ARHGEF26: variants seen among roughly 807,000 people sequenced by gnomAD.
ARHGEF26 encodes Rho guanine nucleotide exchange factor 26.
Under a neutral mutation model 89.4 loss-of-function variants are expected in ARHGEF26, and 59 were observed. The ratio of observed to expected loss-of-function variants is 0.66; its 90% confidence interval spans 0.54 to 0.82. The LOEUF (loss-of-function observed/expected upper bound fraction) is 0.82. Among genes scored for constraint, ARHGEF26 ranks in the 40% least tolerant of loss-of-function variants. The pLI is 0.00. For missense variants in ARHGEF26, 1,234 were observed against 1,085.6 expected, an observed-to-expected ratio of 1.14 and a Z score of -1.92; for synonymous variants, 500 against 428.4, an observed-to-expected ratio of 1.17 and a Z score of -2.06.
At chr3:154,177,469 T>C (rs939701239) in intron 6 of ARHGEF26, among the ~76,000 whole-genome samples, 5 of 152,220 alleles carry the variant, frequency 3.3e-5, no homozygotes, top group African/African-American at 9.6e-5. Flanking sequence ...CAGGACTGGC[T>C]TTAGTGTGGA....
intron 6 of ARHGEF26, among the ~76,000 whole-genome samples, chr3:154,155,616 T>C (rs1294427422): frequency 6.6e-6 from 1 of 152,036 alleles, no homozygotes; most frequent in Non-Finnish European, 1.5e-5. Flanking sequence ...TTCATTTATT[T>C]AGTTATTATT....
intron 6 of ARHGEF26, among the ~76,000 whole-genome samples, chr3:154,178,766 G>A (rs932765430): frequency 7.9e-5 from 12 of 152,076 alleles, no homozygotes; most frequent in Non-Finnish European, 1.5e-4. Context: ...AGGGTCATAT[G>A]GAAACTATGT....
Position 154,125,232 on chromosome 3 carries a change from G to T in ARHGEF26, c.1123+783G>T, listed in dbSNP as rs539024238. Among the ~76,000 whole-genome samples the T allele has an allele frequency of 2.6e-5, 4 of 152,222 alleles. No individual in the cohort carries two copies. The East Asian group carries it at 7.7e-4, about 29-fold the overall frequency. Reference sequence around the variant, plus strand: ...GTGCCCCTCCATAGGTCAAGCAAATGTACAATCACCCAGAGTTATAAAATA... The same window carrying T: ...GTGCCCCTCCATAGGTCAAGCAAATTTACAATCACCCAGAGTTATAAAATA... On this transcript the variant is annotated intron_variant, in intron 3 of 14. Coordinates refer to ENST00000465093, the MANE Select transcript of ARHGEF26 (RefSeq NM_015595.4).
chr3:154,221,074 C>T (rs1163527396), intron 10 of ARHGEF26, among the ~76,000 whole-genome samples: 1 of 152,050 alleles, frequency 6.6e-6, no homozygotes, highest in Non-Finnish European at 1.5e-5. Context: ...CTTCTGAGAG[C>T]CTGGCCTTGC....
chr3:154,165,766 A>G (rs936390274), intron 6 of ARHGEF26, among the ~76,000 whole-genome samples: 3 of 152,218 alleles, frequency 2.0e-5, no homozygotes, highest in Non-Finnish European at 4.4e-5. Flanking sequence ...TAACTAAATA[A>G]TCTAAAACCA....
intron 9 of ARHGEF26, among the ~76,000 whole-genome samples, chr3:154,197,639 C>T (rs1232279733): frequency 6.6e-6 from 1 of 152,152 alleles, no homozygotes; most frequent in Non-Finnish European, 1.5e-5. Flanking sequence ...GCTGAAATTG[C>T]TCATGCATGT....
rs112776275 is a variant in ARHGEF26, at chr3:154,231,254, C to T, written c.2090+5244C>T. Among the ~76,000 whole-genome samples the T allele has an allele frequency of 1.4e-3, 214 of 152,288 alleles. 2 individuals are homozygous for T. The highest frequency in any genetic ancestry group is 4.9e-3 in the African/African-American group (204 of 41,552). ...CCTTTTTTTCTTCCGCTGTCATTTG[C>T]AGCCTTGATTCCTCTGATGTTATGA... On this transcript the variant is annotated intron_variant, in intron 11 of 14. Transcript: ENST00000465093.
At chr3:154,181,360 T>C (rs1008962357) in intron 6 of ARHGEF26, among the ~76,000 whole-genome samples, 3 of 152,182 alleles carry the variant, frequency 2.0e-5, no homozygotes, top group African/African-American at 7.2e-5. Context: ...CCTAAGTGAA[T>C]ATGACCTTCT....
intron 12 of ARHGEF26, among the ~76,000 whole-genome samples, chr3:154,245,452 T>A (rs893577362): frequency 3.3e-5 from 5 of 152,216 alleles, no homozygotes; most frequent in African/African-American, 4.8e-5. Context: ...CCAAAATTAT[T>A]TTCCATGTTA....
In ARHGEF26 at chr3:154,165,604, A is replaced by G. The variant is rs181737649; in HGVS notation, c.1487+12672A>G. On this transcript the variant is annotated intron_variant, in intron 6 of 14. Coordinates refer to ENST00000465093, the MANE Select transcript of ARHGEF26 (RefSeq NM_015595.4). ...ACTTTCCTGGCATGAACTAATTACC[A>G]ACTTTGAATACTAGTTTTTATTGAT... 5.8e-4 allele frequency among the ~76,000 whole-genome samples: 89 copies of G among 152,220 alleles called. 1 individual carries two copies. The highest frequency in any genetic ancestry group is 5.2e-3 in the Admixed American group (80 of 15,286).
At chr3:154,226,106 A>G in intron 11 of ARHGEF26, 96 bp downstream of exon 11, 11 of 1,105,984 alleles carry the variant, frequency 9.9e-6, no homozygotes, top group Non-Finnish European at 1.4e-5. Flanking sequence ...AAAGCTAGAA[A>G]TGTTGGAAGT....
intron 4 of ARHGEF26, among the ~76,000 whole-genome samples, chr3:154,134,808 CA>C (rs144063658): frequency 0.011 from 1,596 of 151,164 alleles, 12 homozygotes; most frequent in Admixed American, 0.017. Flanking sequence ...TGAATTTTAT[CA>C]AAAGCCTTTT....
At chr3:154,159,753 A>G (rs1387556263) in intron 6 of ARHGEF26, among the ~76,000 whole-genome samples, 3 of 152,200 alleles carry the variant, frequency 2.0e-5, no homozygotes, top group East Asian at 1.9e-4. Flanking sequence ...ACTTTAATGC[A>G]TAAGCAAATA....
At chr3:154,213,239 GTGTA>G (rs1178530252) in intron 9 of ARHGEF26, among the ~76,000 whole-genome samples, 3 of 129,888 alleles carry the variant, frequency 2.3e-5, no homozygotes, top group Non-Finnish European at 3.6e-5. Flanking sequence ...GTGTGTGTGT[GTGTA>G]TATATATATA....
At chr3:154,240,314 CA>C in intron 11 of ARHGEF26, 55 bp from the exon 12 acceptor site, 2 of 1,377,560 alleles carry the variant, frequency 1.5e-6, no homozygotes, top group Non-Finnish European at 2.0e-6. Flanking sequence ...CGAAAACTGA[CA>C]ATGTCAGTCT....
chr3:154,253,118 G>A lies in ARHGEF26; in HGVS notation c.2303G>A (p.Ser768Asn). The A allele has an allele frequency of 6.2e-7, 1 of 1,613,960 alleles. No individual in the cohort carries two copies. Among genetic ancestry groups the A allele is most frequent in the Non-Finnish European group, 8.5e-7 (1 of 1,179,868 alleles). ...GTTGGATCTGCCCTCTGTTTTAGGA[G>A]CGAGCGAGCCCGCTGGATAACTGCC... ...VEMLLGAETQ[S>N]ERARWITALG... is the part of the protein sequence containing the mutation. The change falls in exon 13 of 15, where the codon AGC becomes AAC. Residue 768 changes from serine to asparagine, a missense_variant and splice_region_variant. Coordinates refer to ENST00000465093, the MANE Select transcript of ARHGEF26 (RefSeq NM_015595.4).
intron 10 of ARHGEF26, among the ~76,000 whole-genome samples, chr3:154,219,397 G>A (rs1417085195): frequency 6.6e-6 from 1 of 151,784 alleles, no homozygotes; most frequent in Non-Finnish European, 1.5e-5. Context: ...GAGTTCGAGA[G>A]CAGCCTGACC....
chr3:154,137,171 G>A (rs533894348), intron 4 of ARHGEF26, among the ~76,000 whole-genome samples: 1 of 152,266 alleles, frequency 6.6e-6, no homozygotes, highest in African/African-American at 2.4e-5. Flanking sequence ...GATCATGAGG[G>A]CTCTGCCTGC....
At chr3:154,227,593 A>G (rs1716571938) in intron 11 of ARHGEF26, among the ~76,000 whole-genome samples, 1 of 152,164 alleles carries the variant, frequency 6.6e-6, no homozygotes, top group African/African-American at 2.4e-5. Context: ...AAATTTTATA[A>G]AGAAAGATGG....
Sources: gnomAD v4.1 joint callset for allele counts (sites outside exome capture counted in the v4.1 genomes callset) on GRCh38, gnomAD v4.1.1 for gene constraint, MANE v1.5 for transcripts, NCBI Gene and HGNC (gene_info 2026-07-23, HGNC 2026-07-21) for gene names.